Variants in NDUFS3 observed in about 807,000 individuals in gnomAD.
The protein encoded by NDUFS3 is NADH dehydrogenase [ubiquinone] iron-sulfur protein 3, mitochondrial.
NDUFS3 carries 19 observed loss-of-function variants against 30.8 expected under a neutral mutation model. The observed-to-expected ratio is 0.62, with a 90% confidence interval of 0.43 to 0.91. NDUFS3 has a LOEUF of 0.91. Among genes scored for constraint, NDUFS3 ranks in the 40% least tolerant of loss-of-function variants. The pLI is 0.00. For missense variants in NDUFS3, 331 were observed against 342.0 expected, an observed-to-expected ratio of 0.97 and a Z score of 0.25; for synonymous variants, 153 against 135.8, an observed-to-expected ratio of 1.13 and a Z score of -0.88.
At position 47,580,903 on chromosome 11, in the gene NDUFS3, C is replaced by T. The variant is rs11552584; in HGVS notation, c.300C>T (p.Leu100=). The change falls in exon 4 of 7, where the codon CTC becomes CTT. Residue 100 remains leucine, a synonymous_variant. Transcript: ENST00000263774. ...GCGTCATCCCAGTGCTGACTTTCCT[C>T]AGGGATCACACCAATGCACAGTTCA... ...PDGVIPVLTF[L]RDHTNAQFKS... is the part of the protein sequence containing the mutation. 6.2e-7 allele frequency: 1 copy of T among 1,614,236 alleles called. No individual in the cohort carries two copies. The highest frequency in any genetic ancestry group is 8.5e-7 in the Non-Finnish European group (1 of 1,180,042).
intron 4 of NDUFS3, 100 bp from the exon 5 acceptor site, chr11:47,581,988 T>G: frequency 1.3e-6 from 2 of 1,489,892 alleles, no homozygotes; most frequent in Non-Finnish European, 1.9e-6. Context: ...AGGAGAATCT[T>G]GAGGTTTTGA....
intron 2 of NDUFS3, 159 bp downstream of exon 2, chr11:47,579,493 T>C: frequency 1.2e-6 from 1 of 846,388 alleles, no homozygotes; most frequent in Admixed American, 2.1e-5. Context: ...GCCCTCCCTG[T>C]GCCCTTAGGC....
At chr11:47,583,663 T>C (rs558246653) in intron 6 of NDUFS3, among the ~76,000 whole-genome samples, 2 of 152,336 alleles carry the variant, frequency 1.3e-5, no homozygotes, top group Admixed American at 1.3e-4. Context: ...CCCTGCTCTT[T>C]TAGTTCCCAG....
intron 2 of NDUFS3, chr11:47,579,765 G>A (rs1036061302): frequency 5.9e-4 from 163 of 277,684 alleles, no homozygotes; most frequent in Non-Finnish European, 7.9e-4. Context: ...ACAGTCCAAA[G>A]AATTAAACTG....
At chr11:47,580,022 C>T (rs1196198927) in intron 2 of NDUFS3, among the ~76,000 whole-genome samples, 1 of 127,122 alleles carries the variant, frequency 7.9e-6, no homozygotes, top group Non-Finnish European at 1.6e-5. Context: ...CACACACACA[C>T]ACACACACCT....
Position 47,582,222 on chromosome 11 carries a change from C to A in NDUFS3, c.507+9C>A. ...ACTGGTATGAAAGGGAGGTGAGTTACCGGATATGGTGGACCTGCCTCTGGG... is the reference window on the plus strand; with the variant it reads ...ACTGGTATGAAAGGGAGGTGAGTTAACGGATATGGTGGACCTGCCTCTGGG... On this transcript the variant is annotated intron_variant, in intron 5 of 6. Coordinates refer to ENST00000263774, the MANE Select transcript of NDUFS3 (RefSeq NM_004551.3). 1.2e-6 allele frequency: 2 copies of A among 1,614,222 alleles called. No individual in the cohort carries two copies. Among genetic ancestry groups the A allele is most frequent in the East Asian group, 4.5e-5 (2 of 44,878 alleles).
chr11:47,581,168 T>A, intron 4 of NDUFS3, 184 bp downstream of exon 4: 2 of 714,930 alleles, frequency 2.8e-6, no homozygotes, highest in Non-Finnish European at 4.6e-6. Flanking sequence ...AATTTTTTTT[T>A]TTTTTAGACG....
At chr11:47,581,842 GAGT>G in intron 4 of NDUFS3, 1 of 532,506 alleles carries the variant, frequency 1.9e-6, no homozygotes. Flanking sequence ...TCTAAAATAT[GAGT>G]AGGAGACCAG....
chr11:47,580,615 A>C lies in NDUFS3; in HGVS notation c.224A>C (p.Gln75Pro), dbSNP rs1565941739. 1 of 1,614,110 alleles carries C rather than the reference A, an allele frequency of 6.2e-7. No homozygotes were observed. Among genetic ancestry groups the C allele is most frequent in the Non-Finnish European group, 8.5e-7 (1 of 1,179,948 alleles). The stretch of plus-strand genomic sequence containing the variant: ...GAAATCTTGCCCAAGTATGTCCAAC[A>C]AGTTCAGGTAATACTTACTAATGTT... ...VAEILPKYVQ[Q>P]VQVSCFNELE... The change falls in exon 3 of 7, where the codon CAA becomes CCA. Residue 75 changes from glutamine (Q) to proline (P), a missense_variant. Coordinates refer to ENST00000263774, the MANE Select transcript of NDUFS3 (RefSeq NM_004551.3).
At chr11:47,581,106 G>C in intron 4 of NDUFS3, 122 bp downstream of exon 4, 1 of 1,255,052 alleles carries the variant, frequency 8.0e-7, no homozygotes, top group Non-Finnish European at 1.2e-6. Flanking sequence ...GTTGGATCTT[G>C]GTTCTGCCAC....
Position 47,579,321 on chromosome 11 carries a change from G to T in NDUFS3, c.120G>T (p.Gly40=). 2.5e-6 allele frequency: 4 copies of T among 1,613,932 alleles called. No homozygotes were observed. The highest frequency in any genetic ancestry group is 3.4e-6 in the Non-Finnish European group (4 of 1,180,046). ...LLLPVRRESA[G]ADTRPTVRPR... ...TGCCGGTGAGGCGGGAGAGCGCCGG[G>T]GCCGACACGCGCCGTGAGTATGTGC... is the stretch of plus-strand genomic sequence containing the variant. The change falls in exon 2 of 7, where the codon GGG becomes GGT. Residue 40 remains glycine, a synonymous_variant. Coordinates refer to ENST00000263774, the MANE Select transcript of NDUFS3 (RefSeq NM_004551.3).
At chr11:47,579,496 C>T in intron 2 of NDUFS3, 162 bp downstream of exon 2, 1 of 821,502 alleles carries the variant, frequency 1.2e-6, no homozygotes, top group Non-Finnish European at 2.0e-6. Context: ...CTCCCTGTGC[C>T]CTTAGGCCTG....
At position 47,584,463 on chromosome 11, in the gene NDUFS3, G is replaced by C. The variant is rs1414873872; in HGVS notation, c.777G>C (p.Lys259Asn). 1.2e-6 allele frequency: 2 copies of C among 1,614,146 alleles called. No homozygotes were observed. The highest frequency in any genetic ancestry group is 1.7e-6 in the Non-Finnish European group (2 of 1,180,030). ...PESLKLEAGD[K>N]KPDAK Reference sequence around the variant, plus strand: ...GTCTCAAGCTTGAAGCCGGAGACAAGAAGCCTGATGCCAAGTAGCTCCAGG... The same window carrying C: ...GTCTCAAGCTTGAAGCCGGAGACAACAAGCCTGATGCCAAGTAGCTCCAGG... The change falls in exon 7 of 7, where the codon AAG (lysine) becomes AAC (asparagine). Residue 259 changes from lysine to asparagine, a missense_variant. Coordinates refer to ENST00000263774, the MANE Select transcript of NDUFS3 (RefSeq NM_004551.3).
chr11:47,579,351 A>G lies in NDUFS3; in HGVS notation c.133+17A>G, dbSNP rs2097266672. The G allele has an allele frequency of 6.2e-7, 1 of 1,613,234 alleles. No homozygotes were observed. The highest frequency in any genetic ancestry group is 8.5e-7 in the Non-Finnish European group (1 of 1,180,018). ...ACACGCGCCGTGAGTATGTGCGGGC[A>G]GCGCTCTTCTCTGAACTATCGGCGG... is the stretch of plus-strand genomic sequence containing the variant. On this transcript the variant is annotated intron_variant, in intron 2 of 6. Transcript: ENST00000263774.
intron 2 of NDUFS3, among the ~76,000 whole-genome samples, chr11:47,580,088 G>C (rs1342825966): frequency 2.6e-5 from 4 of 151,958 alleles, no homozygotes; most frequent in Admixed American, 2.6e-4. Flanking sequence ...AGGAGAGAGA[G>C]AGTCTGTGAG....
chr11:47,581,970 G>T (rs529933826), intron 4 of NDUFS3, 118 bp from the exon 5 acceptor site: 529 of 1,389,434 alleles, frequency 3.8e-4, no homozygotes, highest in Non-Finnish European at 5.0e-4. Flanking sequence ...GGAAGTAGTT[G>T]TAAGCATAGG....
At position 47,580,522 on chromosome 11, in the gene NDUFS3, C is replaced by T. The variant is rs761337082; in HGVS notation, c.134-3C>T. On this transcript the variant is annotated splice_polypyrimidine_tract_variant and splice_region_variant and intron_variant, in intron 2 of 6. Coordinates refer to ENST00000263774, the MANE Select transcript of NDUFS3 (RefSeq NM_004551.3). ...CTTTTTTAAATATGCCTTTTCCTTC[C>T]AGCCACTGTCAGACCACGGAATGAT... is the stretch of plus-strand genomic sequence containing the variant. 2 of 1,614,122 alleles carry T rather than the reference C, an allele frequency of 1.2e-6. No homozygotes were observed. Among genetic ancestry groups the T allele is most frequent in the Non-Finnish European group, 1.7e-6 (2 of 1,180,000 alleles).
At position 47,582,112 on chromosome 11, in the gene NDUFS3, C is replaced by T. The variant is rs368446373; in HGVS notation, c.406C>T (p.Arg136Cys). 100 of 1,613,940 alleles carry T rather than the reference C, an allele frequency of 6.2e-5. No individual in the cohort carries two copies. In the African/African-American group the frequency reaches 7.3e-4, roughly 12 times the overall value. The change falls in exon 5 of 7, where the codon CGC becomes TGC. Residue 136 changes from arginine (R) to cysteine (C), a missense_variant. Coordinates refer to ENST00000263774, the MANE Select transcript of NDUFS3 (RefSeq NM_004551.3). ...GATTGTCTACAACCTGTTGTCTCTG[C>T]GCTTCAACTCACGGATCCGTGTGAA... ...FEIVYNLLSLRFNSRIRVKTY... is the reference protein window; with the variant it reads ...FEIVYNLLSLCFNSRIRVKTY...
intron 4 of NDUFS3, chr11:47,581,473 G>A: frequency 4.5e-6 from 1 of 220,026 alleles, no homozygotes; most frequent in Non-Finnish European, 9.2e-6. Context: ...ATCTTTCTGA[G>A]CTTTCATTTT....
Sources: allele counts gnomAD v4.1 joint callset (sites outside exome capture counted in the v4.1 genomes callset), GRCh38; gene constraint gnomAD v4.1.1; transcripts MANE v1.5; gene names NCBI Gene and HGNC (gene_info 2026-07-23, HGNC 2026-07-21).